The following CLEC1A variants were observed in gnomAD, a reference collection of about 807,000 sequenced individuals.
The protein encoded by CLEC1A is C-type lectin-like receptor-1.
CLEC1A carries 34 observed loss-of-function variants against 28.7 expected under a neutral mutation model. The ratio of observed to expected loss-of-function variants is 1.18; its 90% CI spans 0.90 to 1.57. CLEC1A has a LOEUF of 1.57. Among genes scored for constraint, CLEC1A ranks in the 40% most tolerant of loss-of-function variants. CLEC1A has a pLI of 0.00. For missense variants in CLEC1A, 385 were observed against 339.5 expected, an observed-to-expected ratio of 1.13 and a Z score of -1.05; for synonymous variants, 116 against 121.0, an observed-to-expected ratio of 0.96 and a Z score of 0.27.
intron 3 of CLEC1A, among the ~76,000 whole-genome samples, chr12:10,080,265 A>C (rs1013483642): frequency 6.6e-6 from 1 of 152,186 alleles, no homozygotes; most frequent in African/African-American, 2.4e-5. Flanking sequence ...GCAAGCCGAG[A>C]TCGTGTCACT....
intron 4 of CLEC1A, among the ~76,000 whole-genome samples, chr12:10,074,074 C>T (rs73261766): frequency 0.019 from 2,902 of 152,116 alleles, 99 homozygotes; most frequent in African/African-American, 0.067. Flanking sequence ...GGATTGGTGG[C>T]GACAGGGTCT....
chr12:10,079,489 A>G (rs1225921370), intron 3 of CLEC1A, among the ~76,000 whole-genome samples: 2 of 151,860 alleles, frequency 1.3e-5, no homozygotes, highest in African/African-American at 4.9e-5. Flanking sequence ...AAAATTTGAA[A>G]GACCATTTGT....
intron 3 of CLEC1A, among the ~76,000 whole-genome samples, chr12:10,080,026 A>C (rs2220436): frequency 2.0e-5 from 3 of 151,900 alleles, no homozygotes; most frequent in African/African-American, 7.3e-5. Flanking sequence ...TTGTAAATAA[A>C]TGCTGGGCAC....
chr12:10,077,369 C>T (rs561636510), intron 3 of CLEC1A, among the ~76,000 whole-genome samples: 1 of 151,732 alleles, frequency 6.6e-6, no homozygotes, highest in South Asian at 2.1e-4. Flanking sequence ...ATACATATAC[C>T]CTCCATTCCA....
rs2306894 is a variant in CLEC1A, at chr12:10,098,846, C to G, written c.77G>C (p.Gly26Ala). 0.83 allele frequency: 1,346,206 copies of G among 1,612,902 alleles called. 575,530 individuals carry two copies. The highest frequency in any genetic ancestry group is 0.9 in the African/African-American group (67,448 of 74,980). The change falls in exon 1 of 6, where the codon GGC (glycine) becomes GCC (alanine). Residue 26 changes from glycine (G) to alanine (A), a missense_variant. Transcript: ENST00000315330. ...GDTTMSLHSQ[G>A]SATTRHPEPR... ...CTCTGGATGCCGAGTTGTGGCAGAG[C>G]CTTGAGAATGCAGGCTCATGGTGGT... is the stretch of plus-strand genomic sequence containing the variant.
intron 2 of CLEC1A, among the ~76,000 whole-genome samples, chr12:10,081,763 C>T (rs528207682): frequency 6.6e-6 from 1 of 151,232 alleles, no homozygotes; most frequent in Admixed American, 6.6e-5. Context: ...TGAAAGAATG[C>T]ACAGATCCTT....
chr12:10,075,660 G>GA lies in CLEC1A; in HGVS notation c.392-6dup, dbSNP rs142305286. 8 of 1,609,416 alleles carry GA rather than the reference G, an allele frequency of 5.0e-6. No individual in the cohort carries two copies. The highest frequency in any genetic ancestry group is 5.9e-6 in the Non-Finnish European group (7 of 1,178,176). ...TACAAGGGCTGCACCTGTGTGCTTG[G>GA]AAAAAAGCCAATTTTATTGTTATTT... is the stretch of plus-strand genomic sequence containing the variant. On this transcript the variant is annotated splice_polypyrimidine_tract_variant and splice_region_variant and intron_variant, in intron 3 of 5. Coordinates refer to ENST00000315330, the MANE Select transcript of CLEC1A (RefSeq NM_016511.4).
rs763104181 is a variant in CLEC1A at position 10,071,483 on chromosome 12, T to C, written c.693A>G (p.Pro231=). ...GGATGGCCACACAGTCTCTGCTTCT[T>C]GGGCTGGTGACATCTATTATAATAT... is the stretch of plus-strand genomic sequence containing the variant. ...LFHIIIDVTS[P]RSRDCVAILN... is the part of the protein sequence containing the mutation. Residue 231 remains proline (P), a synonymous_variant, in exon 6 of 6, where the codon CCA becomes CCG. Transcript: ENST00000315330. The C allele has an allele frequency of 1.9e-5, 31 of 1,612,160 alleles. No homozygotes were observed. Among genetic ancestry groups the C allele is most frequent in the Non-Finnish European group, 2.5e-5 (29 of 1,179,040 alleles).
In CLEC1A at chr12:10,075,580, T is replaced by C. The variant is rs1866233905; in HGVS notation, c.467A>G (p.Lys156Arg). Residue 156 changes from lysine to arginine, a missense_variant, in exon 4 of 6, where the codon AAA becomes AGA. Transcript: ENST00000315330. Reference protein sequence around the residue: ...DNCYQFYKDSKSWEDCKYFCL... With the variant: ...DNCYQFYKDSRSWEDCKYFCL... ...GAAATATTTACAGTCCTCCCAACTT[T>C]TGCTGTCTTTATAGAACTGGTAGCA... 4 of 1,614,078 alleles carry C rather than the reference T, an allele frequency of 2.5e-6. No homozygotes were observed. The highest frequency in any genetic ancestry group is 1.3e-5 in the African/African-American group (1 of 75,044).
intron 1 of CLEC1A, among the ~76,000 whole-genome samples, chr12:10,091,656 A>T (rs530997085): frequency 7.0e-3 from 140 of 20,010 alleles, no homozygotes; most frequent in African/African-American, 0.013. Context: ...AGCAGAACAT[A>T]AAAAAAAAAA....
intron 2 of CLEC1A, among the ~76,000 whole-genome samples, chr12:10,082,860 A>G (rs1365202596): frequency 1.3e-5 from 2 of 152,254 alleles, no homozygotes; most frequent in African/African-American, 4.8e-5. Flanking sequence ...GAGTGCATCC[A>G]TCTGACAACT....
chr12:10,077,538 A>G (rs1472298475), intron 3 of CLEC1A, among the ~76,000 whole-genome samples: 1 of 152,156 alleles, frequency 6.6e-6, no homozygotes, highest in Non-Finnish European at 1.5e-5. Context: ...TACACCTAGG[A>G]AAAATAAAAT....
Position 10,071,467 on chromosome 12 carries a change from C to G in CLEC1A, c.709G>C (p.Val237Leu), listed in dbSNP as rs1866130674. The G allele has an allele frequency of 1.2e-6, 2 of 1,613,628 alleles. No homozygotes were observed. Among genetic ancestry groups the G allele is most frequent in the African/African-American group, 2.7e-5 (2 of 75,038 alleles). ...AAGATCATCCCATTAAGGATGGCCA[C>G]ACAGTCTCTGCTTCTTGGGCTGGTG... The part of the protein sequence containing the change: ...DVTSPRSRDC[V>L]AILNGMIFSK... The change falls in exon 6 of 6, where the codon GTG becomes CTG. Residue 237 changes from valine to leucine, a missense_variant. Coordinates refer to ENST00000315330, the MANE Select transcript of CLEC1A (RefSeq NM_016511.4).
chr12:10,088,479 T>A (rs527937609), intron 2 of CLEC1A, among the ~76,000 whole-genome samples: 21 of 37,692 alleles, frequency 5.6e-4, no homozygotes, highest in Non-Finnish European at 1.0e-3. Flanking sequence ...TTAAAAGAAC[T>A]GTTCAAAGAA....
chr12:10,084,468 T>G (rs1468418891), intron 2 of CLEC1A: 1 of 152,152 alleles, frequency 6.6e-6, no homozygotes, highest in Non-Finnish European at 1.5e-5. Context: ...TGAAAAAGAT[T>G]ATCGCCTAGG....
At chr12:10,085,525 A>G (rs1286765938) in intron 2 of CLEC1A, among the ~76,000 whole-genome samples, 1 of 122,434 alleles carries the variant, frequency 8.2e-6, no homozygotes, top group Non-Finnish European at 1.7e-5. Context: ...CAGACATTAA[A>G]GCAAAAACAG....
At position 10,081,236 on chromosome 12, in the gene CLEC1A, C is replaced by T. The variant is rs778515518; in HGVS notation, c.391+1G>A. 2.5e-6 allele frequency: 4 copies of T among 1,574,140 alleles called. No homozygotes were observed. Among genetic ancestry groups the T allele is most frequent in the Non-Finnish European group, 3.4e-6 (4 of 1,161,300 alleles). ...GGACAGAGTGACCAGGACACACTTACCTCCAGCTTTGTTATACAGCTCACG... is the reference window on the plus strand; with the variant it reads ...GGACAGAGTGACCAGGACACACTTATCTCCAGCTTTGTTATACAGCTCACG... On this transcript the variant is annotated splice_donor_variant, in intron 3 of 5. Transcript: ENST00000315330. LOFTEE classifies it high-confidence loss of function.
At chr12:10,076,505 G>A (rs1043396188) in intron 3 of CLEC1A, among the ~76,000 whole-genome samples, 3 of 152,080 alleles carry the variant, frequency 2.0e-5, no homozygotes, top group Non-Finnish European at 4.4e-5. Flanking sequence ...TAACTTAGAA[G>A]GATATCTTTG....
intron 3 of CLEC1A, among the ~76,000 whole-genome samples, chr12:10,075,889 A>T (rs1866242707): frequency 6.6e-6 from 1 of 152,202 alleles, no homozygotes; most frequent in African/African-American, 2.4e-5. Context: ...CTTATGTGGA[A>T]TCTAGTAATA....
Sources: allele counts gnomAD v4.1 joint callset (sites outside exome capture counted in the v4.1 genomes callset), GRCh38; gene constraint gnomAD v4.1.1; transcripts MANE v1.5; gene names NCBI Gene and HGNC (gene_info 2026-07-23, HGNC 2026-07-21).